The following NOSIP variants were observed in gnomAD, a reference collection of about 807,000 sequenced individuals.
NOSIP encodes the protein nitric oxide synthase interacting protein.
A neutral mutation model predicts 36.4 loss-of-function variants in NOSIP; 25 were observed. That is an observed-to-expected ratio of 0.69 (90% CI 0.50 to 0.96). NOSIP has a LOEUF of 0.96. Among genes scored for constraint, NOSIP ranks in the 40% least tolerant of loss-of-function variants. The pLI is 0.00. For missense variants in NOSIP, 370 were observed against 429.0 expected (o/e 0.86, Z 1.21); for synonymous variants, 187 against 179.2 (o/e 1.04, Z -0.35).
At chr19:49,569,764 C>T (rs987798194) in intron 1 of NOSIP, among the ~76,000 whole-genome samples, 5 of 150,626 alleles carry the variant, frequency 3.3e-5, no homozygotes, top group Admixed American at 1.3e-4. Flanking sequence ...GCCAAGATCG[C>T]GCCATCGCAC....
At position 49,571,500 on chromosome 19, in the gene NOSIP, G is replaced by A. The variant is rs80273146; in HGVS notation, c.-2+9015C>T. ...CTGCTGTCACCAGCATTTCAGAGAG[G>A]AAACAGGCAAAGAGCAGGAGCGACC... On this transcript the variant is annotated intron_variant, in intron 1 of 8. Transcript: ENST00000596358. 2.6e-3 allele frequency among the ~76,000 whole-genome samples: 400 copies of A among 152,216 alleles called. 3 individuals are homozygous for A. The highest frequency in any genetic ancestry group is 9.0e-3 in the African/African-American group (373 of 41,546).
intron 1 of NOSIP, among the ~76,000 whole-genome samples, chr19:49,566,962 C>T (rs144509743): frequency 0.043 from 6,398 of 149,766 alleles, 427 homozygotes; most frequent in African/African-American, 0.14. Context: ...ATTACAGGCG[C>T]GCACCACCAT....
chr19:49,571,425 TTG>T (rs2080482841), intron 1 of NOSIP, among the ~76,000 whole-genome samples: 1 of 152,182 alleles, frequency 6.6e-6, no homozygotes, highest in Non-Finnish European at 1.5e-5. Context: ...CCACACTATA[TTG>T]TCTCTTTGGT....
intron 3 of NOSIP, 172 bp downstream of exon 3, chr19:49,559,762 C>T: frequency 1.6e-6 from 1 of 637,320 alleles, no homozygotes; most frequent in Non-Finnish European, 2.9e-6. Flanking sequence ...CACTATGAAA[C>T]AGATGCTAGG....
At position 49,556,634 on chromosome 19, in the gene NOSIP, G is replaced by A. The variant is rs757493593; in HGVS notation, c.640C>T (p.Leu214Phe). Residue 214 changes from leucine to phenylalanine, a missense_variant, in exon 7 of 9, where the codon CTC becomes TTC. Transcript: ENST00000596358. ...ACGTAGCGCTCGCTGCGGGTGATGA[G>A]CCCCACGCGGTCCACGGAGCTGTCT... is the stretch of plus-strand genomic sequence containing the variant. ...PLDSSVDRVG[L>F]ITRSERYVCA... 1.2e-6 allele frequency: 2 copies of A among 1,609,742 alleles called. No individual in the cohort carries two copies. The highest frequency in any genetic ancestry group is 2.7e-5 in the African/African-American group (2 of 74,918).
chr19:49,579,107 A>C (rs1246588569), intron 1 of NOSIP: 2 of 152,178 alleles, frequency 1.3e-5, no homozygotes, highest in East Asian at 3.8e-4. Flanking sequence ...TTCTAAATTA[A>C]GAGAGATGTA....
At chr19:49,556,525 T>TCCCTC (rs750493022) in intron 7 of NOSIP, 24 bp downstream of exon 7, 61 of 1,604,502 alleles carry the variant, frequency 3.8e-5, no homozygotes, top group Middle Eastern at 1.6e-4. Context: ...AGTGGTCCCT[T>TCCCTC]CCCTCCCCTC....
intron 1 of NOSIP, among the ~76,000 whole-genome samples, chr19:49,562,477 G>A (rs527304525): frequency 2.6e-5 from 4 of 152,046 alleles, no homozygotes; most frequent in Admixed American, 1.3e-4. Context: ...CAGGGCTCAC[G>A]CCTGTAATCC....
chr19:49,569,488 G>C (rs1306570655), intron 1 of NOSIP, among the ~76,000 whole-genome samples: 1 of 142,798 alleles, frequency 7.0e-6, no homozygotes, highest in Non-Finnish European at 1.5e-5. Context: ...GTGAGCCACC[G>C]TGCCTGGCCT....
At position 49,557,079 on chromosome 19, in the gene NOSIP, A is replaced by T. The variant is rs754158524; in HGVS notation, c.418+11T>A. ...CGCCCCCCAACCCACAAGAAGCCCAACCTGAGTCACCTGGGCTGGTGCCCG... is the reference window on the plus strand; with the variant it reads ...CGCCCCCCAACCCACAAGAAGCCCATCCTGAGTCACCTGGGCTGGTGCCCG... On this transcript the variant is annotated intron_variant, in intron 5 of 8. Transcript: ENST00000596358. The T allele has an allele frequency of 8.7e-6, 14 of 1,608,166 alleles. No individual in the cohort carries two copies. In the Admixed American group the frequency reaches 2.2e-4, roughly 25 times the overall value.
chr19:49,574,886 G>A (rs980569411), intron 1 of NOSIP, among the ~76,000 whole-genome samples: 5 of 147,022 alleles, frequency 3.4e-5, no homozygotes, highest in Admixed American at 6.8e-5. Flanking sequence ...TTTTTGAGAC[G>A]GAGTTTCGCT....
rs746590664 is a variant in NOSIP at position 49,555,692 on chromosome 19, G to A, written c.*59C>T. 1.4e-6 allele frequency: 2 copies of A among 1,479,934 alleles called. No individual in the cohort carries two copies. Among genetic ancestry groups the A allele is most frequent in the South Asian group, 2.3e-5 (2 of 87,490 alleles). The allele number at this position is 1,479,934 out of a possible 1,614,324, so 91.7% of individuals were successfully genotyped here. A position where few individuals can be genotyped will look rare whatever the true frequency, so the allele number is the denominator to read the frequency against. ...CCTGTCCCCGGGGCGCCCACGCCGC[G>A]AATGAAGGCGCCACGTCGTTGCGCA... On this transcript the variant is annotated 3_prime_UTR_variant, in exon 9 of 9. Coordinates refer to ENST00000596358, the MANE Select transcript of NOSIP (RefSeq NM_001270960.2).
At chr19:49,558,365 C>T (rs2080285228) in intron 4 of NOSIP, 1 of 151,882 alleles carries the variant, frequency 6.6e-6, no homozygotes, top group Admixed American at 6.6e-5. Context: ...TCTCCTGCCT[C>T]AGCTTCCTGA....
intron 1 of NOSIP, among the ~76,000 whole-genome samples, chr19:49,561,671 C>G (rs1232698261): frequency 6.6e-6 from 1 of 152,062 alleles, no homozygotes; most frequent in Non-Finnish European, 1.5e-5. Flanking sequence ...CACTTGAGTT[C>G]AGGAGTTCAA....
chr19:49,566,027 C>CTTT (rs577090472), intron 1 of NOSIP, among the ~76,000 whole-genome samples: 3 of 145,706 alleles, frequency 2.1e-5, no homozygotes, highest in Admixed American at 6.8e-5. Flanking sequence ...TTTTCTTCTT[C>CTTT]TTTTTTTTTT....
chr19:49,575,936 CCTGA>C lies in NOSIP; in HGVS notation c.-2+4575_-2+4578del, dbSNP rs567558545. On this transcript the variant is annotated intron_variant, in intron 1 of 8. Transcript: ENST00000596358. ...CGTGAGGTCAGGAGATTGAGACCAT[CCTGA>C]CTAACACGGTGAAACCCCGTCTCTA... Among the ~76,000 whole-genome samples the C allele has an allele frequency of 1.7e-3, 255 of 152,220 alleles. 2 individuals carry two copies. Among genetic ancestry groups the C allele is most frequent in the African/African-American group, 6.0e-3 (251 of 41,528 alleles).
intron 1 of NOSIP, among the ~76,000 whole-genome samples, chr19:49,572,174 C>T (rs1268433675): frequency 6.8e-6 from 1 of 147,014 alleles, no homozygotes; most frequent in East Asian, 2.0e-4. Flanking sequence ...GGTGTGATCT[C>T]GGCTCACTGC....
Position 49,555,551 on chromosome 19 carries a change from G to A in NOSIP, c.*200C>T, listed in dbSNP as rs1326206805. Reference sequence around the variant, plus strand: ...TGGGATTACAGGCGTGAGCCACCGTGCCTGGCCAGATTTTGTTCTTAATGT... The same window carrying A: ...TGGGATTACAGGCGTGAGCCACCGTACCTGGCCAGATTTTGTTCTTAATGT... On this transcript the variant is annotated 3_prime_UTR_variant, in exon 9 of 9. Transcript: ENST00000596358. Among the ~76,000 whole-genome samples, 1 of 152,194 alleles carries A rather than the reference G, an allele frequency of 6.6e-6. No individual in the cohort carries two copies. Among genetic ancestry groups the A allele is most frequent in the Non-Finnish European group, 1.5e-5 (1 of 68,036 alleles).
chr19:49,565,798 G>A (rs1429105945), intron 1 of NOSIP, among the ~76,000 whole-genome samples: 1 of 151,442 alleles, frequency 6.6e-6, no homozygotes, highest in East Asian at 1.9e-4. Context: ...ATTAATGGCG[G>A]GGGAACCCCC....
Sources: gnomAD v4.1 joint callset for allele counts (sites outside exome capture counted in the v4.1 genomes callset) on GRCh38, gnomAD v4.1.1 for gene constraint, MANE v1.5 for transcripts, NCBI Gene and HGNC (gene_info 2026-07-23, HGNC 2026-07-21) for gene names.